Variants in PAN3 observed in about 807,000 individuals in gnomAD.
PAN3 encodes the protein PAN2-PAN3 deadenylation complex subunit PAN3.
In PAN3, 19 loss-of-function variants were observed where a neutral mutation model predicts 96.2. The observed-to-expected ratio is 0.20, with a 90% CI of 0.14 to 0.29. The LOEUF (loss-of-function observed/expected upper bound fraction) is 0.29, where lower values mean the gene tolerates loss of function less well. PAN3 is among the 10% of genes least tolerant of loss of function. The pLI is 1.00. For missense variants in PAN3, 882 were observed against 1,108.1 expected, an observed-to-expected ratio of 0.80 and a Z score of 2.90; for synonymous variants, 433 against 406.6, an observed-to-expected ratio of 1.06 and a Z score of -0.78.
chr13:28,185,906 G>A (rs918646075), intron 4 of PAN3, among the ~76,000 whole-genome samples: 18 of 152,078 alleles, frequency 1.2e-4, no homozygotes, highest in Non-Finnish European at 4.4e-5. Context: ...ATATTTAGGG[G>A]CCTAGCATTA....
At chr13:28,142,511 ATTTTTTTT>A (rs74881179) in intron 1 of PAN3, among the ~76,000 whole-genome samples, 9 of 126,670 alleles carry the variant, frequency 7.1e-5, no homozygotes, top group African/African-American at 2.9e-4. Flanking sequence ...ATAGATGGCA[ATTTTTTTT>A]TTTTTTTTTT....
At chr13:28,275,631 A>C (rs1381356123) in intron 14 of PAN3, among the ~76,000 whole-genome samples, 1 of 152,184 alleles carries the variant, frequency 6.6e-6, no homozygotes, top group African/African-American at 2.4e-5. Context: ...TCATGAATAT[A>C]ACTTGGAATG....
intron 4 of PAN3, among the ~76,000 whole-genome samples, chr13:28,178,850 T>G (rs1446213438): frequency 6.6e-6 from 1 of 152,188 alleles, no homozygotes; most frequent in Non-Finnish European, 1.5e-5. Context: ...TGTGGTGGTG[T>G]TGGCTTCACG....
chr13:28,259,312 G>GT lies in PAN3; in HGVS notation c.1249-1124dup, dbSNP rs1005866304. ...CTGGCTAATTTGTGTTTTTTTTGTT[G>GT]TTTTTTTTTTTGAGATGGAGTCTCG... On this transcript the variant is annotated intron_variant, in intron 7 of 18. Coordinates refer to ENST00000380958, the MANE Select transcript of PAN3 (RefSeq NM_175854.8). 9.4e-3 allele frequency among the ~76,000 whole-genome samples: 1,340 copies of GT among 142,102 alleles called. 9 individuals carry two copies. Among genetic ancestry groups the GT allele is most frequent in the African/African-American group, 0.027 (1,037 of 38,772 alleles). The allele number at this position is 142,102 out of a possible 152,430, so 93.2% of individuals were successfully genotyped here.
intron 1 of PAN3, among the ~76,000 whole-genome samples, chr13:28,171,349 A>G (rs1009693496): frequency 6.6e-6 from 1 of 152,134 alleles, no homozygotes; most frequent in African/African-American, 2.4e-5. Flanking sequence ...CAATTCTCCA[A>G]TTCTCTGGTT....
At chr13:28,160,531 G>A (rs1257227161) in intron 1 of PAN3, among the ~76,000 whole-genome samples, 1 of 152,296 alleles carries the variant, frequency 6.6e-6, no homozygotes, top group Non-Finnish European at 1.5e-5. Context: ...GGAAATGTGA[G>A]TTAGGAGATT....
At chr13:28,229,970 TCTC>T (rs1235089568) in intron 6 of PAN3, among the ~76,000 whole-genome samples, 1 of 152,164 alleles carries the variant, frequency 6.6e-6, no homozygotes, top group African/African-American at 2.4e-5. Context: ...GTCATTCTTA[TCTC>T]CTCTTTCCTC....
chr13:28,267,499 A>G (rs1443943026), intron 12 of PAN3, 98 bp downstream of exon 12: 1 of 1,012,018 alleles, frequency 9.9e-7, no homozygotes, highest in Non-Finnish European at 1.5e-6. Flanking sequence ...TTTCCCTGTA[A>G]TCATTTAGTT....
At chr13:28,141,161 C>A (rs1051122631) in intron 1 of PAN3, among the ~76,000 whole-genome samples, 1 of 151,866 alleles carries the variant, frequency 6.6e-6, no homozygotes, top group East Asian at 1.9e-4. Context: ...TGCGCCACCA[C>A]GACCGGCTTA....
At chr13:28,198,744 C>T (rs1377015193) in intron 5 of PAN3, among the ~76,000 whole-genome samples, 1 of 152,144 alleles carries the variant, frequency 6.6e-6, no homozygotes, top group African/African-American at 2.4e-5. Flanking sequence ...AAGGCAAAGC[C>T]TATAATCCCA....
At chr13:28,287,576 T>G (rs556070028) in intron 17 of PAN3, among the ~76,000 whole-genome samples, 36 of 152,348 alleles carry the variant, frequency 2.4e-4, no homozygotes, top group South Asian at 6.2e-4. Flanking sequence ...GATATTTACT[T>G]CCTTTTTGTT....
intron 6 of PAN3, among the ~76,000 whole-genome samples, chr13:28,236,668 C>T (rs759828343): frequency 6.6e-6 from 1 of 152,118 alleles, no homozygotes; most frequent in Non-Finnish European, 1.5e-5. Flanking sequence ...ACAATGTTCT[C>T]AGTGAATGTT....
intron 4 of PAN3, among the ~76,000 whole-genome samples, chr13:28,191,336 T>A (rs1024490627): frequency 3.9e-5 from 6 of 152,230 alleles, no homozygotes; most frequent in African/African-American, 1.4e-4. Context: ...TCTATTTCTG[T>A]TATTATTGCC....
intron 5 of PAN3, among the ~76,000 whole-genome samples, chr13:28,219,328 CT>C (rs1463448834): frequency 6.6e-6 from 1 of 151,860 alleles, no homozygotes; most frequent in African/African-American, 2.4e-5. Flanking sequence ...TTTTATTTAA[CT>C]TTAGCTGGCA....
intron 6 of PAN3, among the ~76,000 whole-genome samples, chr13:28,239,188 C>CACACAT (rs1405630497): frequency 2.7e-5 from 3 of 112,254 alleles, no homozygotes; most frequent in African/African-American, 1.1e-4. Flanking sequence ...CACACACACA[C>CACACAT]GCATGCACAC....
intron 1 of PAN3, among the ~76,000 whole-genome samples, chr13:28,172,077 G>A (rs1411856193): frequency 2.6e-5 from 4 of 152,166 alleles, no homozygotes; most frequent in African/African-American, 7.2e-5. Flanking sequence ...TAGGAAACAA[G>A]TTTTTTTAGG....
At chr13:28,280,696 G>A (rs965048142) in intron 16 of PAN3, among the ~76,000 whole-genome samples, 155 bp downstream of exon 16, 3 of 151,462 alleles carry the variant, frequency 2.0e-5, no homozygotes, top group Non-Finnish European at 4.4e-5. Context: ...CAAGTAGCTG[G>A]GATTACAGGT....
At chr13:28,261,367 G>C in intron 8 of PAN3, 34 bp from the exon 9 acceptor site, 1 of 1,413,622 alleles carries the variant, frequency 7.1e-7, no homozygotes, top group Non-Finnish European at 9.5e-7. Flanking sequence ...CAGAATCTGT[G>C]TTTAAATAAA....
chr13:28,291,141 T>A (rs1052094118), intron 18 of PAN3, among the ~76,000 whole-genome samples: 2 of 152,176 alleles, frequency 1.3e-5, no homozygotes, highest in African/African-American at 4.8e-5. Context: ...TATACAAAAT[T>A]AAGATTTTAT....
Sources: gnomAD v4.1 joint callset for allele counts (sites outside exome capture counted in the v4.1 genomes callset) on GRCh38, gnomAD v4.1.1 for gene constraint, MANE v1.5 for transcripts, NCBI Gene and HGNC (gene_info 2026-07-23, HGNC 2026-07-21) for gene names.